Variants in ZNF251 observed in about 807,000 individuals in gnomAD.
ZNF251 encodes zinc finger protein 251.
In ZNF251, 14 loss-of-function variants were observed where a neutral mutation model predicts 13.5. That is an observed-to-expected ratio of 1.04 (90% confidence interval 0.69 to 1.63). The LOEUF (loss-of-function observed/expected upper bound fraction) is 1.63. Among genes scored for constraint, ZNF251 ranks in the 40% most tolerant of loss-of-function variants. The pLI is 0.00. For synonymous variants in ZNF251, 287 were observed against 295.2 expected (o/e 0.97, Z 0.28); for missense variants, 764 against 834.9 (o/e 0.92, Z 1.05).
intron 4 of ZNF251, among the ~76,000 whole-genome samples, chr8:144,740,695 A>ATCCC (rs1175940105): frequency 1.3e-5 from 2 of 152,148 alleles, no homozygotes; most frequent in Non-Finnish European, 2.9e-5. Context: ...GCACTTTGGG[A>ATCCC]GGCTGAGGCG....
In ZNF251 at chr8:144,721,534, ATTTAT is replaced by A; in HGVS notation, c.*105_*109del. On this transcript the variant is annotated 3_prime_UTR_variant, in exon 5 of 5. Coordinates refer to ENST00000292562, the MANE Select transcript of ZNF251 (RefSeq NM_138367.2). ...TTTGACTTTAGTAGTCATCTGAACTATTTATTTTACTTTGCCAGTAATATTTAGAC... is the reference window on the plus strand; with the variant it reads ...TTTGACTTTAGTAGTCATCTGAACTATTTACTTTGCCAGTAATATTTAGAC... 4 of 1,108,548 alleles carry A rather than the reference ATTTAT, an allele frequency of 3.6e-6. No individual in the cohort carries two copies. Among genetic ancestry groups the A allele is most frequent in the African/African-American group, 1.6e-5 (1 of 61,978 alleles). 68.7% of individuals were successfully genotyped at this position (1,108,548 alleles called of 1,614,324 possible). A position where few individuals can be genotyped will look rare whatever the true frequency, so the allele number is the denominator to read the frequency against.
At position 144,751,361 on chromosome 8, in the gene ZNF251, C is replaced by G. The variant is rs182230894; in HGVS notation, c.277+2322G>C. Among the ~76,000 whole-genome samples the G allele has an allele frequency of 3.0e-3, 464 of 152,188 alleles. 3 individuals are homozygous for G. Among genetic ancestry groups the G allele is most frequent in the African/African-American group, 0.01 (430 of 41,532 alleles). The stretch of plus-strand genomic sequence containing the variant: ...TTATAAACTATATAACTGTTTAAAA[C>G]TGAAATTATCACATTGTCTTTCTGA... On this transcript the variant is annotated intron_variant, in intron 4 of 4. Transcript: ENST00000292562.
At chr8:144,732,457 A>G (rs771996785) in intron 4 of ZNF251, among the ~76,000 whole-genome samples, 3 of 152,222 alleles carry the variant, frequency 2.0e-5, no homozygotes, top group Non-Finnish European at 4.4e-5. Flanking sequence ...TCAATTCTAG[A>G]TAATTCAAAA....
chr8:144,753,516 T>A, intron 4 of ZNF251, 167 bp downstream of exon 4: 1 of 571,122 alleles, frequency 1.8e-6, no homozygotes, highest in Non-Finnish European at 3.1e-6. Flanking sequence ...AGATAAAACT[T>A]CTAAAGCATG....
intron 4 of ZNF251, among the ~76,000 whole-genome samples, chr8:144,749,838 T>C (rs1458241685): frequency 1.3e-5 from 2 of 151,936 alleles, no homozygotes; most frequent in African/African-American, 2.4e-5. Context: ...TTTTGGTCTC[T>C]AGTATTTAAA....
chr8:144,745,540 C>G (rs141231142), intron 4 of ZNF251, among the ~76,000 whole-genome samples: 5 of 152,076 alleles, frequency 3.3e-5, no homozygotes, highest in Admixed American at 6.6e-5. Context: ...CACAGAATAA[C>G]CTGCTGAGTT....
chr8:144,732,786 T>A (rs1319157594), intron 4 of ZNF251, among the ~76,000 whole-genome samples: 1 of 134,372 alleles, frequency 7.4e-6, no homozygotes, highest in Non-Finnish European at 1.5e-5. Flanking sequence ...CACTCCAGCC[T>A]GGGCGACAGA....
Position 144,721,858 on chromosome 8 carries a change from T to G in ZNF251, c.1802A>C (p.Asn601Thr). 2 of 1,499,692 alleles carry G rather than the reference T, an allele frequency of 1.3e-6. No individual in the cohort carries two copies. The highest frequency in any genetic ancestry group is 2.3e-5 in the East Asian group (1 of 43,838). The allele number at this position is 1,499,692 out of a possible 1,614,324, so 92.9% of individuals were successfully genotyped here. The change falls in exon 5 of 5, where the codon AAC becomes ACC. Residue 601 changes from asparagine to threonine, a missense_variant. Asn to Thr is a moderately conservative substitution (Grantham distance 65). Transcript: ENST00000292562. ...EKPYKCQECG[N>T]AFSGKSTLIQ... ...AAGGGTTGACTTTCCACTGAAGGCG[T>G]TTCCACATTCTTGACATTTATAGGG...
At chr8:144,754,425 GGTCA>G (rs1351213207) in intron 2 of ZNF251, 104 bp from the exon 3 acceptor site, 13 of 1,460,398 alleles carry the variant, frequency 8.9e-6, no homozygotes, top group East Asian at 2.5e-5. Flanking sequence ...GCCCTGCTGT[GGTCA>G]GTATGAACTG....
At chr8:144,737,882 C>T (rs1823977460) in intron 4 of ZNF251, among the ~76,000 whole-genome samples, 1 of 146,188 alleles carries the variant, frequency 6.8e-6, no homozygotes. Flanking sequence ...TATCACCCCA[C>T]ATAAAATACA....
At chr8:144,729,905 G>A (rs1823643002) in intron 4 of ZNF251, 1 of 340,740 alleles carries the variant, frequency 2.9e-6, no homozygotes, top group African/African-American at 2.2e-5. Flanking sequence ...GCTATCAACA[G>A]GTTACATGTG....
At chr8:144,730,102 C>T (rs888926925) in intron 4 of ZNF251, 2 of 985,338 alleles carry the variant, frequency 2.0e-6, no homozygotes, top group African/African-American at 3.5e-5. Flanking sequence ...CGTACATCAC[C>T]AGAGTCGGCT....
chr8:144,732,782 A>T (rs986712564), intron 4 of ZNF251, among the ~76,000 whole-genome samples: 7 of 148,330 alleles, frequency 4.7e-5, no homozygotes, highest in East Asian at 2.1e-4. Context: ...ACTGCACTCC[A>T]GCCTGGGCGA....
chr8:144,732,339 A>G (rs974938648), intron 4 of ZNF251, among the ~76,000 whole-genome samples: 3 of 152,220 alleles, frequency 2.0e-5, no homozygotes, highest in Non-Finnish European at 4.4e-5. Context: ...GATAAATGTT[A>G]ACACAGAACC....
chr8:144,740,889 C>T (rs1278930294), intron 4 of ZNF251, among the ~76,000 whole-genome samples: 14 of 151,822 alleles, frequency 9.2e-5, no homozygotes, highest in South Asian at 2.1e-4. Flanking sequence ...GCTGAGATGG[C>T]GCCATCGCAC....
chr8:144,735,933 G>T lies in ZNF251; in HGVS notation c.278-12551C>A, dbSNP rs79903141. ...GGTGCTCGGCAGTCGCCTGCTGAGGGCCCCCAGCCGGACCTCAACTGACCC... is the reference window on the plus strand; with the variant it reads ...GGTGCTCGGCAGTCGCCTGCTGAGGTCCCCCAGCCGGACCTCAACTGACCC... On this transcript the variant is annotated intron_variant, in intron 4 of 4. Transcript: ENST00000292562. Among the ~76,000 whole-genome samples, 18 of 152,216 alleles carry T rather than the reference G, an allele frequency of 1.2e-4. No homozygotes were observed. In the East Asian group the frequency reaches 2.9e-3, roughly 25 times the overall value.
At chr8:144,746,352 G>T (rs949660881) in intron 4 of ZNF251, among the ~76,000 whole-genome samples, 1 of 152,188 alleles carries the variant, frequency 6.6e-6, no homozygotes, top group African/African-American at 2.4e-5. Context: ...CTTGGTCATG[G>T]TATATAATTC....
chr8:144,738,840 T>A (rs900707911), intron 4 of ZNF251: 1 of 984,680 alleles, frequency 1.0e-6, no homozygotes, highest in Admixed American at 6.2e-5. Flanking sequence ...ATGGTTTTCT[T>A]GTTCAAGGCA....
At chr8:144,731,082 G>C (rs1490428528) in intron 4 of ZNF251, among the ~76,000 whole-genome samples, 2 of 152,152 alleles carry the variant, frequency 1.3e-5, no homozygotes, top group Non-Finnish European at 2.9e-5. Flanking sequence ...CCGGAGGACC[G>C]AGGAAGCCCC....
Sources: allele counts gnomAD v4.1 joint callset (sites outside exome capture counted in the v4.1 genomes callset), GRCh38; gene constraint gnomAD v4.1.1; transcripts MANE v1.5; gene names NCBI Gene and HGNC (gene_info 2026-07-23, HGNC 2026-07-21).